ZC2HC1B: variants seen among roughly 807,000 people sequenced by gnomAD.
ZC2HC1B encodes zinc finger C2HC-type containing 1B.
ZC2HC1B carries 36 observed loss-of-function variants against 31.0 expected under a neutral mutation model. The observed-to-expected ratio is 1.16, with a 90% confidence interval of 0.89 to 1.54. ZC2HC1B has a LOEUF of 1.54. ZC2HC1B is among the 40% of genes most tolerant of loss of function. ZC2HC1B has a pLI of 0.00. For synonymous variants in ZC2HC1B, 73 were observed against 88.0 expected (o/e 0.83, Z 0.95); for missense variants, 260 against 268.6 (o/e 0.97, Z 0.22).
intron 6 of ZC2HC1B, among the ~76,000 whole-genome samples, chr6:143,904,218 A>G (rs1777768596): frequency 6.6e-6 from 1 of 152,214 alleles, no homozygotes; most frequent in African/African-American, 2.4e-5. Context: ...CTTAATCACC[A>G]GTGTGATTGG....
chr6:143,881,781 G>A (rs1283697998), intron 1 of ZC2HC1B: 1 of 152,114 alleles, frequency 6.6e-6, no homozygotes, highest in African/African-American at 2.4e-5. Flanking sequence ...CAGCTGGCTA[G>A]GTAAGTGTTC....
At chr6:143,890,694 A>G (rs909813338) in intron 4 of ZC2HC1B, among the ~76,000 whole-genome samples, 2 of 152,246 alleles carry the variant, frequency 1.3e-5, no homozygotes, top group African/African-American at 4.8e-5. Context: ...CACAGACAAC[A>G]TAATTGTGAA....
At chr6:143,879,140 T>G (rs1281053553) in intron 1 of ZC2HC1B, among the ~76,000 whole-genome samples, 1 of 152,210 alleles carries the variant, frequency 6.6e-6, no homozygotes, top group Non-Finnish European at 1.5e-5. Context: ...AGGTACATGC[T>G]GTCCAGGAGT....
chr6:143,900,033 A>G (rs1777717494), intron 5 of ZC2HC1B, among the ~76,000 whole-genome samples: 1 of 152,198 alleles, frequency 6.6e-6, no homozygotes, highest in Non-Finnish European at 1.5e-5. Context: ...CTTTATGCAC[A>G]AAACATCCAG....
intron 4 of ZC2HC1B, among the ~76,000 whole-genome samples, chr6:143,893,228 C>G (rs1178789076): frequency 6.6e-6 from 1 of 152,080 alleles, no homozygotes; most frequent in African/African-American, 2.4e-5. Context: ...TAGGAAAATG[C>G]AAATTAAAAA....
In ZC2HC1B at chr6:143,883,338, C is replaced by G. The variant is rs1432290492; in HGVS notation, c.29-966C>G. Among the ~76,000 whole-genome samples the G allele has an allele frequency of 1.3e-5, 2 of 152,162 alleles. No homozygotes were observed. The highest frequency in any genetic ancestry group is 2.4e-5 in the African/African-American group (1 of 41,450). ...ACAGGCGTGAGCCACCACACCTGACCCACCTGCAGCTTTTTCACTAAACTC... is the reference window on the plus strand; with the variant it reads ...ACAGGCGTGAGCCACCACACCTGACGCACCTGCAGCTTTTTCACTAAACTC... On this transcript the variant is annotated intron_variant, in intron 1 of 7. Transcript: ENST00000237275. The surrounding 1 kb of genome is among the most constrained non-coding windows in gnomAD (Gnocchi z 4.1).
At chr6:143,929,035 A>G (rs1778086126) in intron 6 of ZC2HC1B, among the ~76,000 whole-genome samples, 1 of 152,138 alleles carries the variant, frequency 6.6e-6, no homozygotes, top group Admixed American at 6.5e-5. Context: ...TCATCAGCAA[A>G]CAAAGATAAT....
chr6:143,881,276 C>T (rs1186458663), intron 1 of ZC2HC1B, among the ~76,000 whole-genome samples: 1 of 151,858 alleles, frequency 6.6e-6, no homozygotes, highest in Non-Finnish European at 1.5e-5. Context: ...TTCAGCTGGG[C>T]ACGGTGGCTT....
chr6:143,901,601 G>A (rs533533609), intron 5 of ZC2HC1B, among the ~76,000 whole-genome samples: 1 of 152,102 alleles, frequency 6.6e-6, no homozygotes, highest in Non-Finnish European at 1.5e-5. Context: ...AAACTTGGCC[G>A]AGTTACTTAA....
chr6:143,879,727 A>G (rs1471359782), intron 1 of ZC2HC1B, among the ~76,000 whole-genome samples: 1 of 150,914 alleles, frequency 6.6e-6, no homozygotes, highest in Non-Finnish European at 1.5e-5. Context: ...GTAAAGTAAA[A>G]CTTTTTCAAT....
Position 143,865,892 on chromosome 6 carries a change from T to G in ZC2HC1B, c.28+1325T>G, listed in dbSNP as rs571839821. Among the ~76,000 whole-genome samples, 1 of 152,316 alleles carries G rather than the reference T, an allele frequency of 6.6e-6. No individual in the cohort carries two copies. Among genetic ancestry groups the G allele is most frequent in the East Asian group, 1.9e-4 (1 of 5,182 alleles). On this transcript the variant is annotated intron_variant, in intron 1 of 7. Transcript: ENST00000237275. The surrounding 1 kb of genome is among the most constrained non-coding windows in gnomAD (Gnocchi z 4.4). The stretch of plus-strand genomic sequence containing the variant: ...GCGCAGTAGTGCGATCTCATCTCAC[T>G]GCAACCTCCAACTCCCGGGTTCAGG...
chr6:143,882,329 AT>A (rs1273840889), intron 1 of ZC2HC1B, among the ~76,000 whole-genome samples: 19 of 98,330 alleles, frequency 1.9e-4, no homozygotes, highest in East Asian at 5.8e-4. Context: ...CATATTTTAT[AT>A]TTTTTATATA....
Position 143,884,159 on chromosome 6 carries a change from G to T in ZC2HC1B, c.29-145G>T. On this transcript the variant is annotated intron_variant, in intron 1 of 7. Coordinates refer to ENST00000237275, the MANE Select transcript of ZC2HC1B (RefSeq NM_001013623.3). The surrounding 1 kb of genome is among the most constrained non-coding windows in gnomAD (Gnocchi z 5.1). ...ACACAGGTGAGTTTAGTTTACACAG[G>T]GTCTTCCCAAAGGGAAGAAGCAGTT... 1 of 605,706 alleles carries T rather than the reference G, an allele frequency of 1.7e-6. No homozygotes were observed. The highest frequency in any genetic ancestry group is 3.1e-5 in the South Asian group (1 of 32,140). 37.5% of individuals were successfully genotyped at this position (605,706 alleles called of 1,614,324 possible). A position where few individuals can be genotyped will look rare whatever the true frequency, so the allele number is the denominator to read the frequency against.
chr6:143,886,043 A>G lies in ZC2HC1B; in HGVS notation c.102A>G (p.Gly34=). The change falls in exon 3 of 8, where the codon GGA becomes GGG. Residue 34 remains glycine, a synonymous_variant. Coordinates refer to ENST00000237275, the MANE Select transcript of ZC2HC1B (RefSeq NM_001013623.3). This position sits in a 1 kb window ranked among gnomAD's most constrained non-coding sequence, Gnocchi z 4.2. The part of the protein sequence containing the change: ...RFAADVLERH[G]PICKKLFNRK... ...TCTTCGTTTTCTAGGAAAGGCATGG[A>G]CCAATATGTAAGAAACTCTTCAACA... is the stretch of plus-strand genomic sequence containing the variant. 6.5e-7 allele frequency: 1 copy of G among 1,534,954 alleles called. No homozygotes were observed. The highest frequency in any genetic ancestry group is 8.8e-7 in the Non-Finnish European group (1 of 1,142,122).
In ZC2HC1B at chr6:143,918,649, T is replaced by A. The variant is rs1431314518; in HGVS notation, c.598+15497T>A. Among the ~76,000 whole-genome samples the A allele has an allele frequency of 3.3e-5, 5 of 152,310 alleles. No homozygotes were observed. Among genetic ancestry groups the A allele is most frequent in the Non-Finnish European group, 7.4e-5 (5 of 68,018 alleles). ...CAGCCATTATTTCTCTCTGCTCTTT[T>A]CTCTCTCTGCTCCTTCAGGTATTCC... is the stretch of plus-strand genomic sequence containing the variant. On this transcript the variant is annotated intron_variant, in intron 6 of 7. Transcript: ENST00000237275. This position sits in a 1 kb window ranked among gnomAD's most constrained non-coding sequence, Gnocchi z 4.1.
intron 6 of ZC2HC1B, among the ~76,000 whole-genome samples, chr6:143,927,635 C>T (rs982257033): frequency 6.6e-6 from 1 of 151,990 alleles, no homozygotes; most frequent in African/African-American, 2.4e-5. Context: ...TAAAATGATT[C>T]TTTTCCTTTG....
At chr6:143,901,250 CTTTTTTTT>C (rs760366226) in intron 5 of ZC2HC1B, among the ~76,000 whole-genome samples, 48 of 90,494 alleles carry the variant, frequency 5.3e-4, no homozygotes, top group African/African-American at 1.6e-3. Flanking sequence ...TTCTTTCTTC[CTTTTTTTT>C]TTTTTTTTTT....
intron 4 of ZC2HC1B, among the ~76,000 whole-genome samples, chr6:143,892,567 G>A (rs1264335363): frequency 6.6e-6 from 1 of 152,068 alleles, no homozygotes; most frequent in Non-Finnish European, 1.5e-5. Flanking sequence ...CAAAGTGTTG[G>A]GATTACAGGC....
At chr6:143,878,742 C>G (rs1180227756) in intron 1 of ZC2HC1B, among the ~76,000 whole-genome samples, 1 of 152,164 alleles carries the variant, frequency 6.6e-6, no homozygotes, top group Non-Finnish European at 1.5e-5. Context: ...TCACAGGAAC[C>G]TAACCCTATA....
Sources: gnomAD v4.1 joint callset for allele counts (sites outside exome capture counted in the v4.1 genomes callset) on GRCh38, gnomAD v4.1.1 for gene constraint, Gnocchi (gnomAD v3.1) non-coding constraint, MANE v1.5 for transcripts, NCBI Gene and HGNC (gene_info 2026-07-23, HGNC 2026-07-21) for gene names.